FAM178B: variants seen among roughly 807,000 people sequenced by gnomAD.
FAM178B encodes family with sequence similarity 178 member B, also known as protein FAM178B.
In FAM178B, 82 loss-of-function variants were observed where a neutral mutation model predicts 91.7. The ratio of observed to expected loss-of-function variants is 0.89; its 90% confidence interval spans 0.75 to 1.07. FAM178B has a LOEUF of 1.07. Among genes scored for constraint, FAM178B ranks in the 50% least tolerant of loss-of-function variants. The probability of loss-of-function intolerance (pLI) is 0.00; values close to 1 mark genes in which losing one functional copy is unlikely to be tolerated. For missense variants in FAM178B, 769 were observed against 846.7 expected, an observed-to-expected ratio of 0.91 and a Z score of 1.14; for synonymous variants, 368 against 359.4, an observed-to-expected ratio of 1.02 and a Z score of -0.27.
chr2:96,976,029 C>T (rs1452826544), intron 1 of FAM178B, among the ~76,000 whole-genome samples: 5 of 152,070 alleles, frequency 3.3e-5, no homozygotes, highest in Non-Finnish European at 7.3e-5. Flanking sequence ...AATACACATT[C>T]TTCCTAAGTA....
chr2:96,933,991 T>C (rs924867750), intron 8 of FAM178B, among the ~76,000 whole-genome samples: 3 of 152,272 alleles, frequency 2.0e-5, no homozygotes, highest in African/African-American at 7.2e-5. Context: ...TACTTAAATT[T>C]AAACTTGTTT....
chr2:96,892,000 G>A (rs2080693610), intron 14 of FAM178B, among the ~76,000 whole-genome samples: 1 of 152,252 alleles, frequency 6.6e-6, no homozygotes, highest in Non-Finnish European at 1.5e-5. Context: ...CTCTGGGGAT[G>A]AAAGGCTCAG....
intron 9 of FAM178B, among the ~76,000 whole-genome samples, chr2:96,928,976 C>G (rs1406817293): frequency 3.9e-5 from 4 of 101,850 alleles, no homozygotes; most frequent in South Asian, 2.5e-4. Flanking sequence ...GTAGGGAGAC[C>G]CCCCCCCGCC....
intron 8 of FAM178B, among the ~76,000 whole-genome samples, chr2:96,942,187 ATT>A (rs1189219076): frequency 5.9e-5 from 9 of 152,242 alleles, no homozygotes; most frequent in Non-Finnish European, 1.5e-5. Context: ...ATTACAACAC[ATT>A]GTTGACAGAA....
intron 12 of FAM178B, among the ~76,000 whole-genome samples, chr2:96,906,664 ACAACAGACCCCCGTGGGTGCAGGC>A (rs1316136069): frequency 2.0e-5 from 3 of 151,904 alleles, no homozygotes; most frequent in Admixed American, 6.5e-5. Flanking sequence ...TACGGCCCCT[ACAACAGACCCCCGTGGGTGCAGGC>A]CACCCCGTGG....
chr2:96,905,843 T>C (rs1172726143), intron 12 of FAM178B, among the ~76,000 whole-genome samples: 61 of 30,944 alleles, frequency 2.0e-3, no homozygotes, highest in South Asian at 3.6e-3. Flanking sequence ...TATATATATA[T>C]ATATATATAT....
intron 12 of FAM178B, among the ~76,000 whole-genome samples, chr2:96,905,820 A>ATG (rs2081022961): frequency 1.5e-4 from 3 of 19,852 alleles, no homozygotes; most frequent in Admixed American, 1.1e-3. Flanking sequence ...ATATGTGTGT[A>ATG]TATATATATA....
At chr2:96,939,657 C>G (rs569473178) in intron 8 of FAM178B, among the ~76,000 whole-genome samples, 1 of 152,132 alleles carries the variant, frequency 6.6e-6, no homozygotes, top group African/African-American at 2.4e-5. Context: ...GAGGTCGCAG[C>G]ACAGAGAGTC....
intron 8 of FAM178B, among the ~76,000 whole-genome samples, chr2:96,946,508 AAC>A (rs568564200): frequency 7.1e-4 from 108 of 152,338 alleles, no homozygotes; most frequent in Non-Finnish European, 1.2e-3. Context: ...TGGGCAGGGA[AAC>A]ACAATCCCAG....
At chr2:96,926,100 T>C (rs546797032) in intron 9 of FAM178B, among the ~76,000 whole-genome samples, 43 of 152,208 alleles carry the variant, frequency 2.8e-4, no homozygotes, top group African/African-American at 1.0e-3. Flanking sequence ...GGTCAGAAGT[T>C]CAAGACCAGC....
At chr2:96,953,046 T>C (rs1378742843) in intron 6 of FAM178B, among the ~76,000 whole-genome samples, 1 of 152,246 alleles carries the variant, frequency 6.6e-6, no homozygotes, top group East Asian at 1.9e-4. Context: ...TCTCTGAGAA[T>C]GTCCAGGCAG....
chr2:96,909,802 G>GTA (rs919825844), intron 12 of FAM178B, among the ~76,000 whole-genome samples: 9 of 152,272 alleles, frequency 5.9e-5, no homozygotes, highest in African/African-American at 2.2e-4. Context: ...GCTGTCAGTT[G>GTA]TATTCATGTC....
At chr2:96,902,861 G>A (rs1329072055) in intron 12 of FAM178B, among the ~76,000 whole-genome samples, 154 bp from the exon 13 acceptor site, 2 of 152,206 alleles carry the variant, frequency 1.3e-5, no homozygotes, top group Non-Finnish European at 2.9e-5. Context: ...ACAGCATTAT[G>A]TATTCTAGGA....
chr2:96,893,875 TGTG>T (rs773985178), intron 14 of FAM178B, 48 bp downstream of exon 14: 1 of 1,584,496 alleles, frequency 6.3e-7, no homozygotes, highest in Non-Finnish European at 8.6e-7. Flanking sequence ...CCCTGCTACC[TGTG>T]GTGGTGGCAC....
chr2:96,878,050 G>T lies in FAM178B; in HGVS notation c.1855-8C>A. 3 of 1,606,200 alleles carry T rather than the reference G, an allele frequency of 1.9e-6. No individual in the cohort carries two copies. Among genetic ancestry groups the T allele is most frequent in the Non-Finnish European group, 2.5e-6 (3 of 1,179,914 alleles). On this transcript the variant is annotated splice_region_variant and splice_polypyrimidine_tract_variant and intron_variant, in intron 15 of 16. Transcript: ENST00000490605. ...CAGCAGCTGCAGCTCGCCCTGTGGAGGCGGAGGGAGGCCAAGAAGCGGGTG... is the reference window on the plus strand; with the variant it reads ...CAGCAGCTGCAGCTCGCCCTGTGGATGCGGAGGGAGGCCAAGAAGCGGGTG...
chr2:96,965,492 T>G (rs1412690313), intron 5 of FAM178B, among the ~76,000 whole-genome samples: 6 of 151,788 alleles, frequency 4.0e-5, no homozygotes, highest in African/African-American at 1.5e-4. Flanking sequence ...AGATAAGGTC[T>G]TGCTGTGTCA....
At chr2:96,930,536 G>A (rs1187686746) in intron 8 of FAM178B, among the ~76,000 whole-genome samples, 4 of 152,106 alleles carry the variant, frequency 2.6e-5, no homozygotes, top group Non-Finnish European at 5.9e-5. Flanking sequence ...GTCTCTCCCC[G>A]GTAGAACAGG....
chr2:96,878,391 C>T, intron 15 of FAM178B, 25 bp downstream of exon 15: 1 of 1,608,836 alleles, frequency 6.2e-7, no homozygotes, highest in Non-Finnish European at 8.5e-7. Flanking sequence ...ACCCCCACCA[C>T]AGCCCTGCCC....
intron 8 of FAM178B, among the ~76,000 whole-genome samples, chr2:96,946,994 A>G (rs1469210055): frequency 1.3e-5 from 2 of 152,224 alleles, no homozygotes; most frequent in Non-Finnish European, 2.9e-5. Context: ...CTCATGGTAC[A>G]TCCTTGGCCT....
Sources: gnomAD v4.1 joint callset for allele counts (sites outside exome capture counted in the v4.1 genomes callset) on GRCh38, gnomAD v4.1.1 for gene constraint, MANE v1.5 for transcripts, NCBI Gene and HGNC (gene_info 2026-07-23, HGNC 2026-07-21) for gene names.